Variants in RBFOX1 observed in about 807,000 individuals in gnomAD.
RBFOX1 encodes RNA binding fox-1 homolog 1, also known as RNA binding protein fox-1 homolog 1.
A neutral mutation model predicts 57.7 loss-of-function variants in RBFOX1; 8 were observed. The ratio of observed to expected loss-of-function variants is 0.14; its 90% CI spans 0.08 to 0.25. RBFOX1 has a LOEUF of 0.25. Among genes scored for constraint, RBFOX1 ranks in the 10% least tolerant of loss-of-function variants. The pLI, the probability that RBFOX1 is intolerant of heterozygous loss-of-function variation, is 1.00. For missense variants in RBFOX1, 611 were observed against 548.5 expected, an observed-to-expected ratio of 1.11 and a Z score of -1.14; for synonymous variants, 326 against 222.4, an observed-to-expected ratio of 1.47 and a Z score of -4.15.
At chr16:6,835,650 A>T (rs1241599387) in intron 3 of RBFOX1, among the ~76,000 whole-genome samples, 1 of 146,870 alleles carries the variant, frequency 6.8e-6, no homozygotes, top group Non-Finnish European at 1.5e-5. Context: ...CTACTGGGAG[A>T]GGCTGAGGCA....
chr16:7,468,157 C>G (rs191350634), intron 4 of RBFOX1, among the ~76,000 whole-genome samples: 3 of 152,124 alleles, frequency 2.0e-5, no homozygotes, highest in Non-Finnish European at 4.4e-5. Flanking sequence ...CATTAAATCT[C>G]CACAGTAAAG....
intron 3 of RBFOX1, among the ~76,000 whole-genome samples, chr16:7,038,412 C>A (rs964660296): frequency 2.0e-5 from 3 of 152,164 alleles, no homozygotes; most frequent in Non-Finnish European, 4.4e-5. Context: ...CAATTGTTTT[C>A]TCCAGCCCTC....
intron 3 of RBFOX1, among the ~76,000 whole-genome samples, chr16:5,818,583 T>G (rs1252686687): frequency 1.3e-5 from 2 of 152,182 alleles, no homozygotes; most frequent in South Asian, 4.1e-4. Flanking sequence ...TTAATAAGCA[T>G]TTTTTGAACA....
intron 4 of RBFOX1, among the ~76,000 whole-genome samples, chr16:7,175,499 C>CT (rs1395201149): frequency 2.0e-5 from 3 of 152,118 alleles, no homozygotes; most frequent in African/African-American, 7.2e-5. Flanking sequence ...CTTTCGCTGC[C>CT]TGGTCATACT....
intron 2 of RBFOX1, among the ~76,000 whole-genome samples, chr16:6,344,722 G>T: frequency 5.8e-5 from 5 of 86,600 alleles, no homozygotes; most frequent in Admixed American, 3.3e-4. Flanking sequence ...TTTTGAGACT[G>T]CTCTGTCGCC....
Position 5,478,742 on chromosome 16 carries a change from A to G in RBFOX1, c.258+11488A>G, listed in dbSNP as rs576689944. Among the ~76,000 whole-genome samples the G allele has an allele frequency of 5.3e-5, 8 of 151,990 alleles. No individual in the cohort carries two copies. The East Asian group carries it at 1.6e-3, about 30-fold the overall frequency. ...ACCCCAGCACGAGGCACCTTTTCCC[A>G]CTGGTTTCTCATTGGGTTTGGGCAA... On this transcript the variant is annotated intron_variant, in intron 2 of 2. Transcript: ENST00000585867.
At chr16:7,375,028 C>T (rs2097658573) in intron 4 of RBFOX1, among the ~76,000 whole-genome samples, 1 of 152,202 alleles carries the variant, frequency 6.6e-6, no homozygotes, top group Admixed American at 6.5e-5. Context: ...TTATGCCCAT[C>T]TGGCTTTGTT....
At chr16:6,204,195 C>T (rs1330242653) in intron 1 of RBFOX1, among the ~76,000 whole-genome samples, 1 of 152,140 alleles carries the variant, frequency 6.6e-6, no homozygotes, top group African/African-American at 2.4e-5. Context: ...CTCACCTCAT[C>T]TTTCACCAAA....
chr16:6,500,837 A>G (rs1293278452), intron 2 of RBFOX1, among the ~76,000 whole-genome samples: 5 of 138,754 alleles, frequency 3.6e-5, no homozygotes, highest in Middle Eastern at 7.7e-3. Flanking sequence ...GACCTTGTCC[A>G]TTAAGATCAT....
intron 2 of RBFOX1, among the ~76,000 whole-genome samples, chr16:6,623,456 T>TA (rs2098262665): frequency 6.7e-6 from 1 of 148,580 alleles, no homozygotes; most frequent in South Asian, 2.2e-4. Flanking sequence ...TTTTTTTTTT[T>TA]ATTATACTTT....
Position 6,841,866 on chromosome 16 carries a change from C to A in RBFOX1, c.-16+187216C>A, listed in dbSNP as rs931107249. ...ATAAAAAATTCCAACAGGCCGGGCGCGGTGGCTCACGCCTGTAATCCTAGC... is the reference window on the plus strand; with the variant it reads ...ATAAAAAATTCCAACAGGCCGGGCGAGGTGGCTCACGCCTGTAATCCTAGC... On this transcript the variant is annotated intron_variant, in intron 3 of 15. Transcript: ENST00000550418. Among the ~76,000 whole-genome samples the A allele has an allele frequency of 1.1e-4, 16 of 151,786 alleles. 1 individual carries two copies. Among genetic ancestry groups the A allele is most frequent in the African/African-American group, 3.9e-4 (16 of 41,300 alleles).
At chr16:5,980,172 G>A (rs1012510250) in intron 4 of RBFOX1, among the ~76,000 whole-genome samples, 9 of 152,144 alleles carry the variant, frequency 5.9e-5, no homozygotes, top group Non-Finnish European at 1.0e-4. Context: ...ATTTAGCTTC[G>A]GGCATAAAGG....
chr16:6,459,866 C>G (rs188038693), intron 2 of RBFOX1, among the ~76,000 whole-genome samples: 6 of 151,606 alleles, frequency 4.0e-5, no homozygotes, highest in Non-Finnish European at 8.8e-5. Context: ...TGCCTGTAAT[C>G]CCAGCTACTT....
At chr16:7,024,640 C>T (rs963935117) in intron 3 of RBFOX1, among the ~76,000 whole-genome samples, 6 of 152,120 alleles carry the variant, frequency 3.9e-5, no homozygotes, top group Non-Finnish European at 1.5e-5. Flanking sequence ...TTGTTTGATG[C>T]TTAGGGAGAT....
At chr16:6,129,403 A>G (rs933619689) in intron 1 of RBFOX1, among the ~76,000 whole-genome samples, 1 of 152,194 alleles carries the variant, frequency 6.6e-6, no homozygotes, top group Non-Finnish European at 1.5e-5. Flanking sequence ...GAACAGTTTA[A>G]CAGTAGATTG....
intron 3 of RBFOX1, among the ~76,000 whole-genome samples, chr16:6,794,727 G>A (rs573243955): frequency 6.6e-6 from 1 of 152,114 alleles, no homozygotes; most frequent in African/African-American, 2.4e-5. Flanking sequence ...ATAGCAGCTT[G>A]GATCCAGTAT....
At chr16:6,760,235 A>G (rs1382706789) in intron 3 of RBFOX1, among the ~76,000 whole-genome samples, 3 of 152,224 alleles carry the variant, frequency 2.0e-5, no homozygotes, top group Admixed American at 6.5e-5. Flanking sequence ...CATGTCTTTA[A>G]GCAGGAAACA....
chr16:7,387,245 C>G (rs2097899891), intron 4 of RBFOX1, among the ~76,000 whole-genome samples: 1 of 152,106 alleles, frequency 6.6e-6, no homozygotes, highest in Non-Finnish European at 1.5e-5. Context: ...CATGCATTAT[C>G]TTGCTAAATT....
At chr16:7,549,710 C>T (rs1201139794) in intron 5 of RBFOX1, among the ~76,000 whole-genome samples, 2 of 152,128 alleles carry the variant, frequency 1.3e-5, no homozygotes, top group African/African-American at 4.8e-5. Context: ...CCAGTTTAGT[C>T]TTTCCACCTT....
Sources: gnomAD v4.1 joint callset for allele counts (sites outside exome capture counted in the v4.1 genomes callset) on GRCh38, gnomAD v4.1.1 for gene constraint, MANE v1.5 for transcripts, NCBI Gene and HGNC (gene_info 2026-07-23, HGNC 2026-07-21) for gene names.